The following SLAIN2 variants were observed in gnomAD, a reference collection of about 807,000 sequenced individuals.
The protein encoded by SLAIN2 is SLAIN family member 2, also known as SLAIN motif-containing protein 2.
SLAIN2 carries 31 observed loss-of-function variants against 56.6 expected under a neutral mutation model. The ratio of observed to expected loss-of-function variants is 0.55; its 90% CI spans 0.41 to 0.74. SLAIN2 has a LOEUF of 0.74. Among genes scored for constraint, SLAIN2 ranks in the 30% least tolerant of loss-of-function variants. SLAIN2 has a pLI of 0.00. For synonymous variants in SLAIN2, 317 were observed against 284.9 expected, an observed-to-expected ratio of 1.11 and a Z score of -1.13; for missense variants, 777 against 754.2, an observed-to-expected ratio of 1.03 and a Z score of -0.35.
intron 2 of SLAIN2, among the ~76,000 whole-genome samples, chr4:48,370,885 G>A (rs1715645033): frequency 1.3e-5 from 2 of 152,088 alleles, no homozygotes; most frequent in Admixed American, 6.5e-5. Flanking sequence ...GTGCTTTGTG[G>A]TTAGAGTTTA....
intron 1 of SLAIN2, among the ~76,000 whole-genome samples, chr4:48,342,343 T>G (rs1469483720): frequency 6.6e-6 from 1 of 152,174 alleles, no homozygotes; most frequent in East Asian, 1.9e-4. Context: ...CGTTGTCCTT[T>G]GGATTGTGGA....
intron 1 of SLAIN2, among the ~76,000 whole-genome samples, chr4:48,346,599 AG>A (rs1222678088): frequency 6.6e-6 from 1 of 152,180 alleles, no homozygotes; most frequent in Non-Finnish European, 1.5e-5. Flanking sequence ...CATTGGTAAA[AG>A]TTGCCTGTAA....
chr4:48,406,360 TCTCATC>T (rs1176423807), intron 6 of SLAIN2, among the ~76,000 whole-genome samples: 2 of 152,304 alleles, frequency 1.3e-5, no homozygotes, highest in East Asian at 3.9e-4. Flanking sequence ...TTTAGCATTC[TCTCATC>T]CTGAGAATCT....
intron 5 of SLAIN2, 91 bp from the exon 6 acceptor site, chr4:48,383,556 A>T: frequency 1.7e-6 from 2 of 1,150,540 alleles, no homozygotes; most frequent in Non-Finnish European, 2.4e-6. Context: ...AGAATGTTTG[A>T]TAAACAATTT....
chr4:48,394,924 T>A (rs17609535), intron 6 of SLAIN2, among the ~76,000 whole-genome samples: 7,954 of 152,304 alleles, frequency 0.052, 325 homozygotes, highest in African/African-American at 0.11. Context: ...GGGCATCATT[T>A]CAACTTTTTG....
chr4:48,384,732 G>A (rs372931626), intron 6 of SLAIN2, among the ~76,000 whole-genome samples: 10 of 152,110 alleles, frequency 6.6e-5, no homozygotes, highest in African/African-American at 2.4e-4. Context: ...AGATACTTGA[G>A]TTTTTATTTT....
chr4:48,341,540 C>T lies in SLAIN2; in HGVS notation c.-200C>T, dbSNP rs1380846399. ...GCGCCGCCTCCCCCAATCCCGGAGC[C>T]GGCGCAGATGAGGCAGTTCGGCTGG... On this transcript the variant is annotated 5_prime_UTR_variant, in exon 1 of 8. Coordinates refer to ENST00000264313, the MANE Select transcript of SLAIN2 (RefSeq NM_020846.2). 7 of 696,506 alleles carry T rather than the reference C, an allele frequency of 1.0e-5. No homozygotes were observed. Among genetic ancestry groups the T allele is most frequent in the Non-Finnish European group, 1.5e-5 (7 of 475,656 alleles). 43.1% of individuals were successfully genotyped at this position (696,506 alleles called of 1,614,324 possible).
chr4:48,414,031 A>G (rs1234982382), intron 6 of SLAIN2, among the ~76,000 whole-genome samples: 1 of 152,208 alleles, frequency 6.6e-6, no homozygotes, highest in African/African-American at 2.4e-5. Flanking sequence ...AAAATATTTT[A>G]AGATACGAAT....
intron 6 of SLAIN2, among the ~76,000 whole-genome samples, chr4:48,390,598 GTATTT>G (rs1360007836): frequency 6.6e-6 from 1 of 152,024 alleles, no homozygotes; most frequent in Non-Finnish European, 1.5e-5. Context: ...TATTGAAATT[GTATTT>G]TATAACTGTC....
At chr4:48,394,751 A>C (rs533902328) in intron 6 of SLAIN2, 26 of 813,976 alleles carry the variant, frequency 3.2e-5, no homozygotes, top group Non-Finnish European at 4.4e-5. Context: ...TGTAAGGCAC[A>C]TTTTAGTCTT....
chr4:48,345,668 CTTTTA>C (rs1195099029), intron 1 of SLAIN2, among the ~76,000 whole-genome samples: 4 of 151,282 alleles, frequency 2.6e-5, no homozygotes, highest in African/African-American at 4.9e-5. Context: ...AAATATAAAG[CTTTTA>C]TTTTATTTTT....
chr4:48,359,444 C>G (rs1408253122), intron 1 of SLAIN2, among the ~76,000 whole-genome samples: 1 of 152,158 alleles, frequency 6.6e-6, no homozygotes, highest in African/African-American at 2.4e-5. Context: ...AGCCTACTTT[C>G]AGCTGGCTAC....
At chr4:48,411,043 A>G (rs1316008904) in intron 6 of SLAIN2, among the ~76,000 whole-genome samples, 1 of 152,060 alleles carries the variant, frequency 6.6e-6, no homozygotes, top group South Asian at 2.1e-4. Context: ...GACCGTGAAT[A>G]CTTGAAGCAA....
At chr4:48,367,800 A>G (rs1715557609) in intron 1 of SLAIN2, among the ~76,000 whole-genome samples, 1 of 152,152 alleles carries the variant, frequency 6.6e-6, no homozygotes. Context: ...GCTTATAATC[A>G]ACATACCATA....
At chr4:48,408,392 C>T (rs1716756653) in intron 6 of SLAIN2, among the ~76,000 whole-genome samples, 1 of 150,666 alleles carries the variant, frequency 6.6e-6, no homozygotes, top group East Asian at 1.9e-4. Context: ...ATTGCGTGTA[C>T]GATGGTGGCA....
At chr4:48,398,534 A>G (rs754413285) in intron 6 of SLAIN2, among the ~76,000 whole-genome samples, 2 of 152,124 alleles carry the variant, frequency 1.3e-5, no homozygotes, top group East Asian at 1.9e-4. Flanking sequence ...CGTTTGTTGC[A>G]ATTGCTTTTG....
rs777977914 is a variant in SLAIN2, at chr4:48,382,911, C to T, written c.1206C>T (p.Ser402=). Residue 402 remains serine (S), a synonymous_variant, in exon 5 of 8, where the codon AGC becomes AGT. Transcript: ENST00000264313. ...LQGHPTDLQT[S]NVKNEEKLRR... is the part of the protein sequence containing the mutation. Reference sequence around the variant, plus strand: ...GCCATCCCACAGATTTACAGACAAGCAATGTTAAAAATGAAGGTAAAATAG... The same window carrying T: ...GCCATCCCACAGATTTACAGACAAGTAATGTTAAAAATGAAGGTAAAATAG... The T allele has an allele frequency of 3.7e-6, 6 of 1,606,014 alleles. No individual in the cohort carries two copies. In the Admixed American group the frequency reaches 5.1e-5, roughly 14 times the overall value.
intron 6 of SLAIN2, among the ~76,000 whole-genome samples, chr4:48,390,439 C>T (rs923489425): frequency 6.6e-6 from 1 of 152,152 alleles, no homozygotes; most frequent in African/African-American, 2.4e-5. Flanking sequence ...AATCTTCACT[C>T]ACAGAGGCTG....
In SLAIN2 at chr4:48,345,816, TTC is replaced by T. The variant is rs1313036245; in HGVS notation, c.389+3689_389+3690del. On this transcript the variant is annotated intron_variant, in intron 1 of 7. Transcript: ENST00000264313. Reference sequence around the variant, plus strand: ...GGTAGGCATATCTACTACGTCTTCATTCAAATTGTTGATAAAAATATTAAATT... The same window carrying T: ...GGTAGGCATATCTACTACGTCTTCATAAATTGTTGATAAAAATATTAAATT... Among the ~76,000 whole-genome samples the T allele has an allele frequency of 2.6e-5, 4 of 152,324 alleles. No homozygotes were observed. In the East Asian group the frequency reaches 5.8e-4, roughly 22 times the overall value.
Sources: gnomAD v4.1 joint callset for allele counts (sites outside exome capture counted in the v4.1 genomes callset) on GRCh38, gnomAD v4.1.1 for gene constraint, MANE v1.5 for transcripts, NCBI Gene and HGNC (gene_info 2026-07-23, HGNC 2026-07-21) for gene names.